ATF7IP: variants seen among roughly 807,000 people sequenced by gnomAD.
The protein encoded by ATF7IP is activating transcription factor 7-interacting protein 1.
Under a neutral mutation model 106.4 loss-of-function variants are expected in ATF7IP, and 23 were observed. That is an observed-to-expected ratio of 0.22 (90% CI 0.16 to 0.31). The LOEUF is 0.31. Ranked by LOEUF, ATF7IP falls within the 10% of genes least tolerant of loss-of-function variation. ATF7IP has a pLI of 1.00. For missense variants in ATF7IP, 1,334 were observed against 1,524.3 expected, an observed-to-expected ratio of 0.88 and a Z score of 2.08; for synonymous variants, 542 against 539.0, an observed-to-expected ratio of 1.01 and a Z score of -0.08.
chr12:14,427,155 C>G (rs1171810133), intron 2 of ATF7IP, among the ~76,000 whole-genome samples: 1 of 152,040 alleles, frequency 6.6e-6, no homozygotes, highest in Non-Finnish European at 1.5e-5. Flanking sequence ...CAGAGTCTTG[C>G]TCTGTTGCCC....
At chr12:14,452,281 T>C (rs1943235048) in intron 6 of ATF7IP, among the ~76,000 whole-genome samples, 1 of 152,208 alleles carries the variant, frequency 6.6e-6, no homozygotes, top group Non-Finnish European at 1.5e-5. Flanking sequence ...TTGGATCTTA[T>C]TTTAAAAAAC....
rs1427346045 is a variant in ATF7IP, at chr12:14,424,008, G to A, written c.93G>A (p.Lys31=). Residue 31 remains lysine (K), a synonymous_variant, in exon 2 of 15, where the codon AAG becomes AAA. Transcript: ENST00000261168. The part of the protein sequence containing the change: ...SDRQQLEAVY[K]VKEELLKTDV... Reference sequence around the variant, plus strand: ...GTCAGCAACTTGAAGCAGTGTACAAGGTCAAAGAAGAACTGTTGAAAACTG... The same window carrying A: ...GTCAGCAACTTGAAGCAGTGTACAAAGTCAAAGAAGAACTGTTGAAAACTG... 1 of 1,613,960 alleles carries A rather than the reference G, an allele frequency of 6.2e-7. No individual in the cohort carries two copies. The highest frequency in any genetic ancestry group is 8.5e-7 in the Non-Finnish European group (1 of 1,180,018).
intron 1 of ATF7IP, among the ~76,000 whole-genome samples, chr12:14,382,197 C>T (rs535430319): frequency 9.3e-4 from 141 of 151,702 alleles, no homozygotes; most frequent in South Asian, 2.3e-3. Flanking sequence ...AACAAATAAA[C>T]GAAAAAACAA....
Position 14,478,487 on chromosome 12 carries a change from T to G in ATF7IP, c.3097+15T>G, listed in dbSNP as rs1362392289. On this transcript the variant is annotated intron_variant, in intron 12 of 14. Transcript: ENST00000261168. ...ACTACCTACAGGTAAATTTGTTGAATCATTGAGTAGAAGCTTTGGTTTTGC... is the reference window on the plus strand; with the variant it reads ...ACTACCTACAGGTAAATTTGTTGAAGCATTGAGTAGAAGCTTTGGTTTTGC... 3.7e-6 allele frequency: 6 copies of G among 1,613,652 alleles called. No individual in the cohort carries two copies. The highest frequency in any genetic ancestry group is 4.2e-6 in the Non-Finnish European group (5 of 1,179,702).
chr12:14,368,795 G>A (rs988189786), intron 1 of ATF7IP, among the ~76,000 whole-genome samples: 2 of 151,988 alleles, frequency 1.3e-5, no homozygotes, highest in Admixed American at 6.6e-5. Context: ...TCTATGATGA[G>A]TGTTACTGTT....
chr12:14,423,788 A>G lies in ATF7IP; in HGVS notation c.-7-121A>G, dbSNP rs75357875. The G allele has an allele frequency of 4.0e-3, 4,389 of 1,090,372 alleles. 144 individuals are homozygous for G. The African/African-American group carries it at 0.064, about 16-fold the overall frequency. 67.5% of individuals were successfully genotyped at this position (1,090,372 alleles called of 1,614,324 possible). ...GTATACAACAAGCAGTAGGTTTTCT[A>G]TGTCTTAAACATTACATGAAATGTG... On this transcript the variant is annotated intron_variant, in intron 1 of 14. Transcript: ENST00000261168.
chr12:14,424,022 T>G lies in ATF7IP; in HGVS notation c.107T>G (p.Leu36Arg), dbSNP rs753951820. The G allele has an allele frequency of 4.3e-6, 7 of 1,614,172 alleles. No individual in the cohort carries two copies. In the South Asian group the frequency reaches 7.7e-5, roughly 18 times the overall value. ...LEAVYKVKEE[L>R]LKTDVKLLNG... ...GCAGTGTACAAGGTCAAAGAAGAAC[T>G]GTTGAAAACTGATGTCAAGCTGTTA... Residue 36 changes from leucine (L) to arginine (R), a missense_variant, in exon 2 of 15, where the codon CTG becomes CGG. Leu to Arg is a moderately radical substitution (Grantham distance 102). Around this residue, in one of 10 missense-constraint regions of ATF7IP, gnomAD observed 74 missense variants for 101.9 expected, o/e 0.73. Transcript: ENST00000261168.
At chr12:14,494,318 TATATATATATATA>T (rs1308119128) in intron 13 of ATF7IP, among the ~76,000 whole-genome samples, 2 of 110,080 alleles carry the variant, frequency 1.8e-5, no homozygotes, top group Non-Finnish European at 3.7e-5. Flanking sequence ...TATATATATA[TATATATATATATA>T]TATGTGTGTG....
rs147928248 is a variant in ATF7IP, at chr12:14,423,060, T to C, written c.-7-849T>C. On this transcript the variant is annotated intron_variant, in intron 1 of 14. Coordinates refer to ENST00000261168, the MANE Select transcript of ATF7IP (RefSeq NM_018179.5). The stretch of plus-strand genomic sequence containing the variant: ...TTCACATCCTTGCCAACACTCATTA[T>C]TCTCGTTGATTGTAGCCGTCCTGTC... 9.8e-5 allele frequency among the ~76,000 whole-genome samples: 15 copies of C among 152,336 alleles called. No individual in the cohort carries two copies. In the East Asian group the frequency reaches 2.9e-3, roughly 29 times the overall value.
chr12:14,434,316 C>T (rs763454677), intron 2 of ATF7IP, 21 bp from the exon 3 acceptor site: 1 of 1,387,596 alleles, frequency 7.2e-7, no homozygotes. Context: ...GTAAGATTTT[C>T]TTTTCTATAT....
In ATF7IP at chr12:14,425,071, A is replaced by G. The variant is rs749516189; in HGVS notation, c.1156A>G (p.Ile386Val). 10 of 1,600,698 alleles carry G rather than the reference A, an allele frequency of 6.2e-6. No individual in the cohort carries two copies. Among genetic ancestry groups the G allele is most frequent in the Admixed American group, 5.3e-5 (3 of 56,454 alleles). Residue 386 changes from isoleucine (I) to valine (V), a missense_variant, in exon 2 of 15, where the codon ATA (isoleucine) becomes GTA (valine). By Grantham distance (29) the Ile-to-Val change is conservative (BLOSUM62 3). This residue lies in a region of ATF7IP where 438 missense variants were observed against 405.3 expected (regional missense o/e 1.08). Coordinates refer to ENST00000261168, the MANE Select transcript of ATF7IP (RefSeq NM_018179.5). The stretch of plus-strand genomic sequence containing the variant: ...AGAGCTTGCTCTTGGAGAAGATGCT[A>G]TATCTAGCAGTATGGAAATTGACCA... Reference protein sequence around the residue: ...ITELALGEDAISSSMEIDQGE... With the variant: ...ITELALGEDAVSSSMEIDQGE...
intron 9 of ATF7IP, 93 bp downstream of exon 9, chr12:14,461,226 T>C (rs1360218901): frequency 8.8e-7 from 1 of 1,130,394 alleles, no homozygotes; most frequent in East Asian, 2.5e-5. Flanking sequence ...CTAGCGTTAT[T>C]GGAAGTACAA....
chr12:14,489,901 C>T (rs1944752784), intron 13 of ATF7IP, among the ~76,000 whole-genome samples: 1 of 152,138 alleles, frequency 6.6e-6, no homozygotes, highest in Non-Finnish European at 1.5e-5. Context: ...ATAGGCAAAC[C>T]CATATCTTGA....
chr12:14,411,365 G>A (rs1940904863), intron 1 of ATF7IP, among the ~76,000 whole-genome samples: 1 of 152,112 alleles, frequency 6.6e-6, no homozygotes, highest in South Asian at 2.1e-4. Flanking sequence ...TTTTGCTGAT[G>A]ACTAATGATG....
At chr12:14,373,125 C>G (rs1265461424) in intron 1 of ATF7IP, among the ~76,000 whole-genome samples, 2 of 152,174 alleles carry the variant, frequency 1.3e-5, no homozygotes, top group African/African-American at 4.8e-5. Flanking sequence ...AGATGTATAT[C>G]TGCCCTGTTA....
At chr12:14,371,477 G>C (rs1447512678) in intron 1 of ATF7IP, among the ~76,000 whole-genome samples, 7 of 151,842 alleles carry the variant, frequency 4.6e-5, no homozygotes, top group Admixed American at 4.6e-4. Flanking sequence ...TTCTAGTTCT[G>C]GTTTATTATT....
chr12:14,465,361 G>A (rs1481053362), intron 9 of ATF7IP, among the ~76,000 whole-genome samples: 1 of 151,886 alleles, frequency 6.6e-6, no homozygotes, highest in African/African-American at 2.4e-5. Context: ...TTTTAACATT[G>A]TATATAAAAA....
chr12:14,490,243 G>C (rs1476469809), intron 13 of ATF7IP, among the ~76,000 whole-genome samples: 1 of 152,164 alleles, frequency 6.6e-6, no homozygotes, highest in East Asian at 1.9e-4. Context: ...GTCATCCTAT[G>C]GACTTGATTA....
At chr12:14,440,944 T>G (rs1269410987) in intron 5 of ATF7IP, among the ~76,000 whole-genome samples, 1 of 152,246 alleles carries the variant, frequency 6.6e-6, no homozygotes, top group Non-Finnish European at 1.5e-5. Context: ...TTCCATTATA[T>G]GGCGGTATAT....
Sources: allele counts gnomAD v4.1 joint callset (sites outside exome capture counted in the v4.1 genomes callset), GRCh38; gene constraint gnomAD v4.1.1; regional missense constraint gnomAD v4.1.1; transcripts MANE v1.5; gene names NCBI Gene and HGNC (gene_info 2026-07-23, HGNC 2026-07-21).